GTF2H5: variants seen among roughly 807,000 people sequenced by gnomAD.
GTF2H5 encodes general transcription factor IIH subunit 5, also known as TFB5 ortholog.
In GTF2H5, 5 loss-of-function variants were observed where a neutral mutation model predicts 7.1. The ratio of observed to expected loss-of-function variants is 0.71; its 90% CI spans 0.37 to 1.49. GTF2H5 has a LOEUF of 1.49. Ranked by LOEUF, GTF2H5 falls within the 40% of genes most tolerant of loss-of-function variation. GTF2H5 has a pLI of 0.03. For synonymous variants in GTF2H5, 30 were observed against 31.7 expected (o/e 0.95, Z 0.18); for missense variants, 80 against 83.0 (o/e 0.96, Z 0.14).
chr6:158,179,972 G>A (rs913131133), intron 2 of GTF2H5, among the ~76,000 whole-genome samples: 3 of 152,090 alleles, frequency 2.0e-5, no homozygotes, highest in Admixed American at 2.0e-4. Flanking sequence ...TTGGCTGTGG[G>A]TTTGTCATAA....
chr6:158,192,368 G>T lies in GTF2H5; in HGVS notation c.*211G>T. On this transcript the variant is annotated 3_prime_UTR_variant, in exon 3 of 3. Coordinates refer to ENST00000607778, the MANE Select transcript of GTF2H5 (RefSeq NM_207118.3). The stretch of plus-strand genomic sequence containing the variant: ...AAAAAAAAAAAAAGCTTTAACAGTT[G>T]GCTGTAATTTGGCTTTTATTATCCT... 7.5e-6 allele frequency: 4 copies of T among 532,190 alleles called. No individual in the cohort carries two copies. Among genetic ancestry groups the T allele is most frequent in the South Asian group, 2.2e-5 (1 of 45,564 alleles). The allele number at this position is 532,190 out of a possible 1,614,324, so 33.0% of individuals were successfully genotyped here. A position where few individuals can be genotyped will look rare whatever the true frequency, so the allele number is the denominator to read the frequency against.
At chr6:158,191,486 C>CTT (rs71542917) in intron 2 of GTF2H5, among the ~76,000 whole-genome samples, 17,649 of 143,928 alleles carry the variant, frequency 0.12, 1,203 homozygotes, top group Middle Eastern at 0.16. Flanking sequence ...ACTAATAGTT[C>CTT]TTTTTTTTTT....
At chr6:158,179,400 G>T (rs926877269) in intron 2 of GTF2H5, among the ~76,000 whole-genome samples, 16 of 152,130 alleles carry the variant, frequency 1.1e-4, no homozygotes, top group African/African-American at 3.6e-4. Flanking sequence ...GTGGTAGCTT[G>T]ATGGGGATAG....
At chr6:158,182,383 G>A (rs1562473789) in intron 2 of GTF2H5, among the ~76,000 whole-genome samples, 1 of 152,156 alleles carries the variant, frequency 6.6e-6, no homozygotes, top group Non-Finnish European at 1.5e-5. Flanking sequence ...GAGTATCTTT[G>A]TGGTGTTCTC....
chr6:158,173,868 A>G (rs1403580658), intron 2 of GTF2H5, among the ~76,000 whole-genome samples: 3 of 151,768 alleles, frequency 2.0e-5, no homozygotes, highest in South Asian at 2.1e-4. Flanking sequence ...TATGTTAAAC[A>G]AGGGGTGGAT....
At position 158,199,040 on chromosome 6, in the gene GTF2H5, T is replaced by C. The variant is rs922978669; in HGVS notation, c.*6883T>C. 6.6e-6 allele frequency: 1 copy of C among 152,270 alleles called. No individual in the cohort carries two copies. The highest frequency in any genetic ancestry group is 1.9e-4 in the East Asian group (1 of 5,206). The allele number at this position is 152,270 out of a possible 1,614,324, so 9.4% of individuals were successfully genotyped here. A position where few individuals can be genotyped will look rare whatever the true frequency, so the allele number is the denominator to read the frequency against. On this transcript the variant is annotated 3_prime_UTR_variant, in exon 3 of 3. Transcript: ENST00000607778. ...TAATTCTCCATGATTAGCACCTTTA[T>C]GTGGTTATCTCATTATTTTCATTCC...
chr6:158,186,360 A>G (rs568191753), intron 2 of GTF2H5, among the ~76,000 whole-genome samples: 4 of 152,234 alleles, frequency 2.6e-5, no homozygotes, highest in South Asian at 2.1e-4. Flanking sequence ...TGCTGCCTTT[A>G]ATACCTGTTA....
rs1186422698 is a variant in GTF2H5 at position 158,179,198 on chromosome 6, G to C, written c.35+8660G>C. On this transcript the variant is annotated intron_variant, in intron 2 of 2. Coordinates refer to ENST00000607778, the MANE Select transcript of GTF2H5 (RefSeq NM_207118.3). The stretch of plus-strand genomic sequence containing the variant: ...TCTGAGGCCTCCGTTTTGTTCCATT[G>C]GTCTATATATCTGTTTTAGTACCAG... Among the ~76,000 whole-genome samples the C allele has an allele frequency of 2.0e-5, 3 of 152,110 alleles. No homozygotes were observed. In the East Asian group the frequency reaches 5.8e-4, roughly 29 times the overall value.
intron 1 of GTF2H5, among the ~76,000 whole-genome samples, chr6:158,168,656 C>A (rs1039550518): frequency 6.6e-6 from 1 of 152,222 alleles, no homozygotes; most frequent in Non-Finnish European, 1.5e-5. Flanking sequence ...AATGGGCGTA[C>A]GCTGAGTGGT....
At chr6:158,169,887 G>T (rs948809761) in intron 1 of GTF2H5, among the ~76,000 whole-genome samples, 4 of 144,954 alleles carry the variant, frequency 2.8e-5, no homozygotes, top group Non-Finnish European at 6.0e-5. Flanking sequence ...GGGCTTAGTA[G>T]TGCATGCCTG....
intron 1 of GTF2H5, among the ~76,000 whole-genome samples, chr6:158,169,787 A>ATATATTATATAATATATTG (rs1785818290): frequency 9.4e-6 from 1 of 105,924 alleles, no homozygotes; most frequent in African/African-American, 4.5e-5. Context: ...ATTGTATATT[A>ATATATTATATAATATATTG]TATATTATAT....
chr6:158,197,843 T>A lies in GTF2H5; in HGVS notation c.*5686T>A, dbSNP rs1189038675. Reference sequence around the variant, plus strand: ...TTTTTGTTTCCCAATCTTAAAAAAATCCCTGAAGGGCACCTGTTTTTCTTC... The same window carrying A: ...TTTTTGTTTCCCAATCTTAAAAAAAACCCTGAAGGGCACCTGTTTTTCTTC... On this transcript the variant is annotated 3_prime_UTR_variant, in exon 3 of 3. Transcript: ENST00000607778. 6.6e-6 allele frequency: 1 copy of A among 152,098 alleles called. No homozygotes were observed. Among genetic ancestry groups the A allele is most frequent in the East Asian group, 1.9e-4 (1 of 5,198 alleles). The allele number at this position is 152,098 out of a possible 1,614,324, so 9.4% of individuals were successfully genotyped here. A position where few individuals can be genotyped will look rare whatever the true frequency, so the allele number is the denominator to read the frequency against.
intron 2 of GTF2H5, among the ~76,000 whole-genome samples, chr6:158,177,317 C>T (rs912810746): frequency 3.3e-5 from 5 of 152,196 alleles, no homozygotes; most frequent in African/African-American, 1.2e-4. Context: ...TGTTACAGAT[C>T]ACAGGCTCTT....
rs780354588 is a variant in GTF2H5 at position 158,198,887 on chromosome 6, C to A, written c.*6730C>A. ...AAACTTCTTAATGTTGCCTGGAATA[C>A]ATGAGTCTTCCTGATCTCTTCAAAC... is the stretch of plus-strand genomic sequence containing the variant. On this transcript the variant is annotated 3_prime_UTR_variant, in exon 3 of 3. Coordinates refer to ENST00000607778, the MANE Select transcript of GTF2H5 (RefSeq NM_207118.3). 14 of 152,182 alleles carry A rather than the reference C, an allele frequency of 9.2e-5. No individual in the cohort carries two copies. The highest frequency in any genetic ancestry group is 2.6e-4 in the Admixed American group (4 of 15,282). The allele number at this position is 152,182 out of a possible 1,614,324, so 9.4% of individuals were successfully genotyped here. A position where few individuals can be genotyped will look rare whatever the true frequency, so the allele number is the denominator to read the frequency against.
In GTF2H5 at chr6:158,169,683, A is replaced by ATTGTATATTGTATATTATG. The variant is rs1280219303; in HGVS notation, c.-34-786_-34-785insTGTATATTGTATATTATGT. The stretch of plus-strand genomic sequence containing the variant: ...TAATATATTGTATATTATATAATAT[A>ATTGTATATTGTATATTATG]TAATATATATTATATAATATATTGT... On this transcript the variant is annotated intron_variant, in intron 1 of 2. Transcript: ENST00000607778. 2.4e-3 allele frequency among the ~76,000 whole-genome samples: 218 copies of ATTGTATATTGTATATTATG among 89,486 alleles called. 8 individuals are homozygous for ATTGTATATTGTATATTATG. Among genetic ancestry groups the ATTGTATATTGTATATTATG allele is most frequent in the Non-Finnish European group, 3.3e-3 (181 of 54,050 alleles). The allele number at this position is 89,486 out of a possible 152,430, so 58.7% of individuals were successfully genotyped here. A position where few individuals can be genotyped will look rare whatever the true frequency, so the allele number is the denominator to read the frequency against.
At chr6:158,168,652 C>T (rs1265117504) in intron 1 of GTF2H5, among the ~76,000 whole-genome samples, 1 of 152,190 alleles carries the variant, frequency 6.6e-6, no homozygotes, top group Non-Finnish European at 1.5e-5. Flanking sequence ...ATTAAATGGG[C>T]GTACGCTGAG....
In GTF2H5 at chr6:158,192,603, C is replaced by T; in HGVS notation, c.*446C>T. 2 of 208,772 alleles carry T rather than the reference C, an allele frequency of 9.6e-6. No individual in the cohort carries two copies. Among genetic ancestry groups the T allele is most frequent in the Non-Finnish European group, 2.0e-5 (2 of 102,176 alleles). 12.9% of individuals were successfully genotyped at this position (208,772 alleles called of 1,614,324 possible). A position where few individuals can be genotyped will look rare whatever the true frequency, so the allele number is the denominator to read the frequency against. On this transcript the variant is annotated 3_prime_UTR_variant, in exon 3 of 3. Coordinates refer to ENST00000607778, the MANE Select transcript of GTF2H5 (RefSeq NM_207118.3). ...ATGTACGTCTCACAAATCCTACCTG[C>T]ATACCAGTCAGCTCTATTGAGGAAG...
intron 2 of GTF2H5, among the ~76,000 whole-genome samples, chr6:158,183,580 T>C (rs923833511): frequency 2.0e-5 from 3 of 152,182 alleles, no homozygotes; most frequent in Non-Finnish European, 4.4e-5. Context: ...ACTGTGAGCA[T>C]GGAACCGCCT....
chr6:158,180,786 A>G (rs188221259), intron 2 of GTF2H5, among the ~76,000 whole-genome samples: 4,135 of 143,544 alleles, frequency 0.029, 79 homozygotes, highest in Middle Eastern at 0.077. Flanking sequence ...CTAGCGGTCT[A>G]TCTATTTTGT....
Sources: gnomAD v4.1 joint callset for allele counts (sites outside exome capture counted in the v4.1 genomes callset) on GRCh38, gnomAD v4.1.1 for gene constraint, MANE v1.5 for transcripts, NCBI Gene and HGNC (gene_info 2026-07-23, HGNC 2026-07-21) for gene names.